RAB2B: variants seen among roughly 807,000 people sequenced by gnomAD.
The protein encoded by RAB2B is RAB2B, member RAS oncogene family.
A neutral mutation model predicts 29.8 loss-of-function variants in RAB2B; 20 were observed. The observed-to-expected ratio is 0.67, with a 90% CI of 0.47 to 0.97. The LOEUF is 0.97. Ranked by LOEUF, RAB2B falls within the 50% of genes least tolerant of loss-of-function variation. The pLI, the probability that RAB2B is intolerant of heterozygous loss-of-function variation, is 0.00. For missense variants in RAB2B, 218 were observed against 272.0 expected (o/e 0.80, Z 1.40); for synonymous variants, 93 against 91.7 (o/e 1.01, Z -0.08).
chr14:21,460,349 G>A lies in RAB2B; in HGVS notation c.*847C>T, dbSNP rs943268321. ...ACACCTGTAATCCAGCACTTTGGGA[G>A]GCCAAGGTGGGCGGATCACGAGGTC... On this transcript the variant is annotated 3_prime_UTR_variant, in exon 8 of 8. Transcript: ENST00000397762. The A allele has an allele frequency of 1.6e-5, 8 of 505,008 alleles. No individual in the cohort carries two copies. The highest frequency in any genetic ancestry group is 3.2e-5 in the Non-Finnish European group (8 of 252,012). 31.3% of individuals were successfully genotyped at this position (505,008 alleles called of 1,614,324 possible).
chr14:21,461,018 T>G lies in RAB2B; in HGVS notation c.*178A>C. On this transcript the variant is annotated 3_prime_UTR_variant, in exon 8 of 8. Transcript: ENST00000397762. ...CCCTAATCTATAGGGAATGCTCATG[T>G]CCCTGAAGGAGGACAGGTCAGTAAG... 4.0e-6 allele frequency: 2 copies of G among 496,744 alleles called. No individual in the cohort carries two copies. The highest frequency in any genetic ancestry group is 7.2e-6 in the Non-Finnish European group (2 of 276,076). 30.8% of individuals were successfully genotyped at this position (496,744 alleles called of 1,614,324 possible).
chr14:21,467,437 C>T (rs1483399616), intron 5 of RAB2B, among the ~76,000 whole-genome samples: 3 of 152,174 alleles, frequency 2.0e-5, no homozygotes, highest in Non-Finnish European at 2.9e-5. Context: ...CGCCACTGCG[C>T]CTGGCCTTTT....
intron 5 of RAB2B, among the ~76,000 whole-genome samples, chr14:21,464,425 T>C (rs534492202): frequency 1.3e-5 from 2 of 151,858 alleles, no homozygotes; most frequent in South Asian, 4.2e-4. Context: ...AAAGGAAAAC[T>C]CTAGTTACTA....
chr14:21,462,468 T>C, intron 6 of RAB2B, 50 bp from the exon 7 acceptor site: 1 of 1,446,438 alleles, frequency 6.9e-7, no homozygotes, highest in African/African-American at 1.4e-5. Flanking sequence ...GGTAGAGAAA[T>C]GAGGGAAAGA....
At position 21,459,467 on chromosome 14, in the gene RAB2B, A is replaced by G. The variant is rs551104544; in HGVS notation, c.*1729T>C. ...TAACTATGTCAGTCAAATTCAATGA[A>G]CACATAATGAGTAGCACTAGGCACT... On this transcript the variant is annotated 3_prime_UTR_variant, in exon 8 of 8. Transcript: ENST00000397762. 69 of 152,306 alleles carry G rather than the reference A, an allele frequency of 4.5e-4. No individual in the cohort carries two copies. The highest frequency in any genetic ancestry group is 1.3e-3 in the African/African-American group (56 of 41,568). 9.4% of individuals were successfully genotyped at this position (152,306 alleles called of 1,614,324 possible).
chr14:21,474,589 T>G, intron 3 of RAB2B: 1 of 369,068 alleles, frequency 2.7e-6, no homozygotes, highest in Non-Finnish European at 4.9e-6. Context: ...AGAAAGAGTT[T>G]ATGTATCAAA....
intron 3 of RAB2B, among the ~76,000 whole-genome samples, chr14:21,469,113 GAAC>G (rs956150191): frequency 2.6e-5 from 4 of 151,376 alleles, no homozygotes; most frequent in African/African-American, 9.7e-5. Flanking sequence ...CCTCATAAAA[GAAC>G]AACTGGAAAT....
At chr14:21,464,256 T>G (rs1455659915) in intron 5 of RAB2B, among the ~76,000 whole-genome samples, 1 of 152,074 alleles carries the variant, frequency 6.6e-6, no homozygotes, top group Non-Finnish European at 1.5e-5. Context: ...AAAAATTAGC[T>G]GAGTATGGTG....
At position 21,459,666 on chromosome 14, in the gene RAB2B, TAACC is replaced by T. The variant is rs1203437075; in HGVS notation, c.*1526_*1529del. 1 of 152,678 alleles carries T rather than the reference TAACC, an allele frequency of 6.5e-6. No individual in the cohort carries two copies. The highest frequency in any genetic ancestry group is 1.9e-4 in the East Asian group (1 of 5,202). 9.5% of individuals were successfully genotyped at this position (152,678 alleles called of 1,614,324 possible). A position where few individuals can be genotyped will look rare whatever the true frequency, so the allele number is the denominator to read the frequency against. On this transcript the variant is annotated 3_prime_UTR_variant, in exon 8 of 8. Coordinates refer to ENST00000397762, the MANE Select transcript of RAB2B (RefSeq NM_032846.4). ...ATATACATATAAATAGACATATGAATAACCAACATATGAAAACTAAGGAATATTG... is the reference window on the plus strand; with the variant it reads ...ATATACATATAAATAGACATATGAATAACATATGAAAACTAAGGAATATTG...
intron 4 of RAB2B, 50 bp downstream of exon 4, chr14:21,468,620 T>TTA: frequency 7.1e-7 from 1 of 1,417,090 alleles, no homozygotes; most frequent in Non-Finnish European, 9.6e-7. Context: ...AAAAAAAGCT[T>TTA]TAGAGGATTT....
chr14:21,467,587 T>C (rs1359942664), intron 5 of RAB2B, among the ~76,000 whole-genome samples: 1 of 152,220 alleles, frequency 6.6e-6, no homozygotes, highest in Non-Finnish European at 1.5e-5. Flanking sequence ...TTGTTAAGGA[T>C]GTAGAGAAAC....
intron 3 of RAB2B, among the ~76,000 whole-genome samples, chr14:21,471,616 A>AC (rs1431831551): frequency 2.0e-5 from 2 of 101,208 alleles, no homozygotes; most frequent in Admixed American, 1.2e-4. Flanking sequence ...AGACCCTGTC[A>AC]AAAAAAAAAA....
chr14:21,474,308 A>G (rs965436794), intron 3 of RAB2B, among the ~76,000 whole-genome samples: 2 of 152,224 alleles, frequency 1.3e-5, no homozygotes, highest in Non-Finnish European at 2.9e-5. Context: ...ATGACTACGC[A>G]GTGGTTAAAA....
rs1177127254 is a variant in RAB2B, at chr14:21,460,606, G to GA, written c.*589dup. On this transcript the variant is annotated 3_prime_UTR_variant, in exon 8 of 8. Coordinates refer to ENST00000397762, the MANE Select transcript of RAB2B (RefSeq NM_032846.4). ...CCCCCCAAAAAAAAAAAAAAAAAAA[G>GA]AAAAAAAAAATTATTTATTTATTTG... is the stretch of plus-strand genomic sequence containing the variant. 16 of 102,612 alleles carry GA rather than the reference G, an allele frequency of 1.6e-4. No individual in the cohort carries two copies. Among genetic ancestry groups the GA allele is most frequent in the South Asian group, 1.3e-3 (4 of 2,968 alleles). 6.4% of individuals were successfully genotyped at this position (102,612 alleles called of 1,614,324 possible). A position where few individuals can be genotyped will look rare whatever the true frequency, so the allele number is the denominator to read the frequency against.
At position 21,460,909 on chromosome 14, in the gene RAB2B, C is replaced by A; in HGVS notation, c.*287G>T. ...ATTACAGGCATGAGCCATGGCGCCC[C>A]GCCATGAAATTATTTTTTAACTACT... On this transcript the variant is annotated 3_prime_UTR_variant, in exon 8 of 8. Coordinates refer to ENST00000397762, the MANE Select transcript of RAB2B (RefSeq NM_032846.4). The A allele has an allele frequency of 5.1e-6, 1 of 196,940 alleles. No homozygotes were observed. The highest frequency in any genetic ancestry group is 1.0e-5 in the Non-Finnish European group (1 of 96,852). The allele number at this position is 196,940 out of a possible 1,614,324, so 12.2% of individuals were successfully genotyped here. A position where few individuals can be genotyped will look rare whatever the true frequency, so the allele number is the denominator to read the frequency against.
chr14:21,459,191 T>C lies in RAB2B; in HGVS notation c.*2005A>G, dbSNP rs1478804589. ...CATGATGAGTGAAGCAAAGGCAAGT[T>C]TGGCTAAGATAGTATTATATGCTCT... On this transcript the variant is annotated 3_prime_UTR_variant, in exon 8 of 8. Transcript: ENST00000397762. The C allele has an allele frequency of 6.6e-6, 1 of 152,186 alleles. No homozygotes were observed. Among genetic ancestry groups the C allele is most frequent in the African/African-American group, 2.4e-5 (1 of 41,428 alleles). The allele number at this position is 152,186 out of a possible 1,614,324, so 9.4% of individuals were successfully genotyped here.
intron 5 of RAB2B, among the ~76,000 whole-genome samples, chr14:21,465,140 A>G (rs551180780): frequency 6.6e-6 from 1 of 152,380 alleles, no homozygotes; most frequent in South Asian, 2.1e-4. Flanking sequence ...TAAGACCATT[A>G]AAGAACAACA....
intron 6 of RAB2B, 105 bp from the exon 7 acceptor site, chr14:21,462,523 G>T (rs1890583443): frequency 8.9e-7 from 1 of 1,119,860 alleles, no homozygotes; most frequent in Non-Finnish European, 1.3e-6. Context: ...GGTGAATTAG[G>T]AACCATTAGA....
At chr14:21,473,533 T>A (rs974853941) in intron 3 of RAB2B, among the ~76,000 whole-genome samples, 6 of 152,230 alleles carry the variant, frequency 3.9e-5, no homozygotes, top group African/African-American at 1.4e-4. Context: ...AGTTTCCATT[T>A]CTGGGCAGAT....
Sources: allele counts gnomAD v4.1 joint callset (sites outside exome capture counted in the v4.1 genomes callset), GRCh38; gene constraint gnomAD v4.1.1; transcripts MANE v1.5; gene names NCBI Gene and HGNC (gene_info 2026-07-23, HGNC 2026-07-21).